The following SHROOM3 variants were observed in gnomAD, a reference collection of about 807,000 sequenced individuals.
SHROOM3 encodes the protein protein Shroom3.
A neutral mutation model predicts 138.6 loss-of-function variants in SHROOM3; 47 were observed. That is an observed-to-expected ratio of 0.34 (90% CI 0.27 to 0.43). The LOEUF (loss-of-function observed/expected upper bound fraction) is 0.43, where lower values mean the gene tolerates loss of function less well. SHROOM3 is among the 20% of genes least tolerant of loss of function. The probability of loss-of-function intolerance (pLI) is 1.00; values close to 1 mark genes in which losing one functional copy is unlikely to be tolerated. For synonymous variants in SHROOM3, 1,062 were observed against 1,063.3 expected, an observed-to-expected ratio of 1.00 and a Z score of 0.02; for missense variants, 2,491 against 2,596.5, an observed-to-expected ratio of 0.96 and a Z score of 0.88.
chr4:76,668,465 C>T (rs1245830937), intron 2 of SHROOM3, among the ~76,000 whole-genome samples: 1 of 152,002 alleles, frequency 6.6e-6, no homozygotes, highest in Non-Finnish European at 1.5e-5. Flanking sequence ...CCTAGCTACT[C>T]AGGAGGCTGA....
At chr4:76,754,217 C>T (rs1436823273) in intron 6 of SHROOM3, 94 bp from the exon 7 acceptor site, 5 of 1,530,804 alleles carry the variant, frequency 3.3e-6, no homozygotes, top group African/African-American at 1.4e-5. Flanking sequence ...CCTCCTTCCT[C>T]TTAAATGCTT....
intron 3 of SHROOM3, among the ~76,000 whole-genome samples, chr4:76,723,016 A>G (rs1720594466): frequency 6.6e-6 from 1 of 151,958 alleles, no homozygotes; most frequent in African/African-American, 2.4e-5. Context: ...GTTTTATAAC[A>G]CTGCACCGAG....
chr4:76,729,067 AT>A (rs1267211918), intron 3 of SHROOM3, among the ~76,000 whole-genome samples: 3 of 152,148 alleles, frequency 2.0e-5, no homozygotes, highest in Non-Finnish European at 2.9e-5. Context: ...AAGACTTAAC[AT>A]TTATTGAGCT....
chr4:76,626,418 T>TTTCTTAAACTATTCC (rs1735145709), intron 2 of SHROOM3, among the ~76,000 whole-genome samples: 1 of 152,230 alleles, frequency 6.6e-6, no homozygotes, highest in African/African-American at 2.4e-5. Flanking sequence ...AAAACTGTTC[T>TTTCTTAAACTATTCC]TTCTTAAACT....
intron 3 of SHROOM3, among the ~76,000 whole-genome samples, chr4:76,720,162 T>G (rs1387380291): frequency 1.4e-5 from 2 of 139,738 alleles, no homozygotes; most frequent in African/African-American, 2.7e-5. Context: ...TTTTTTTTTT[T>G]TTTTTTTTTT....
chr4:76,508,369 A>C (rs753995023), intron 1 of SHROOM3, among the ~76,000 whole-genome samples: 12 of 152,168 alleles, frequency 7.9e-5, no homozygotes, highest in Admixed American at 2.6e-4. Flanking sequence ...GACCATAAGT[A>C]TGAGGGTTTA....
intron 1 of SHROOM3, among the ~76,000 whole-genome samples, chr4:76,470,030 A>C (rs903576778): frequency 2.0e-5 from 3 of 151,760 alleles, no homozygotes; most frequent in Admixed American, 2.0e-4. Flanking sequence ...TTAAACAAAA[A>C]TTATAGCTAA....
chr4:76,712,751 A>G (rs1577989953), intron 3 of SHROOM3, among the ~76,000 whole-genome samples: 1 of 152,224 alleles, frequency 6.6e-6, no homozygotes, highest in Non-Finnish European at 1.5e-5. Flanking sequence ...ACAGTCACGT[A>G]TTGCTTAATG....
At chr4:76,765,269 C>T (rs1303211424) in intron 9 of SHROOM3, among the ~76,000 whole-genome samples, 1 of 150,774 alleles carries the variant, frequency 6.6e-6, no homozygotes, top group Non-Finnish European at 1.5e-5. Context: ...TAACCCAGCA[C>T]TTAGGGAGGC....
At chr4:76,651,242 A>G (rs1366328716) in intron 2 of SHROOM3, among the ~76,000 whole-genome samples, 1 of 151,944 alleles carries the variant, frequency 6.6e-6, no homozygotes, top group Non-Finnish European at 1.5e-5. Flanking sequence ...GACTATAGTC[A>G]ATAATAACTT....
At chr4:76,646,930 A>C (rs533026717) in intron 2 of SHROOM3, among the ~76,000 whole-genome samples, 1 of 152,304 alleles carries the variant, frequency 6.6e-6, no homozygotes, top group East Asian at 1.9e-4. Flanking sequence ...TATCTATCCA[A>C]AGGAAAAGAA....
Position 76,739,653 on chromosome 4 carries a change from G to A in SHROOM3, c.1480G>A (p.Ala494Thr), listed in dbSNP as rs1441149198. The A allele has an allele frequency of 6.2e-7, 1 of 1,614,152 alleles. No individual in the cohort carries two copies. Among genetic ancestry groups the A allele is most frequent in the Non-Finnish European group, 8.5e-7 (1 of 1,180,036 alleles). The change falls in exon 5 of 11, where the codon GCA becomes ACA. Residue 494 changes from alanine (A) to threonine (T), a missense_variant. This residue lies in a region of SHROOM3 where 1,733 missense variants were observed against 1,661.6 expected (regional missense o/e 1.04). Transcript: ENST00000296043. ...SVSSNGMLYPALAKESGYIAP... is the reference protein window; with the variant it reads ...SVSSNGMLYPTLAKESGYIAP... Reference sequence around the variant, plus strand: ...GAGTAGCAACGGTATGCTCTACCCTGCACTGGCCAAGGAGAGTGGATACAT... The same window carrying A: ...GAGTAGCAACGGTATGCTCTACCCTACACTGGCCAAGGAGAGTGGATACAT...
intron 1 of SHROOM3, among the ~76,000 whole-genome samples, chr4:76,517,589 T>G (rs1732468814): frequency 6.7e-6 from 1 of 150,300 alleles, no homozygotes. Flanking sequence ...TTCTCCTGAT[T>G]GAGTTGCTTA....
intron 10 of SHROOM3, among the ~76,000 whole-genome samples, chr4:76,776,456 C>T (rs2109798374): frequency 6.6e-6 from 1 of 152,230 alleles, no homozygotes; most frequent in South Asian, 2.1e-4. Flanking sequence ...TAATTAAGTC[C>T]TATCTATTTA....
chr4:76,450,128 A>G (rs929491827), intron 1 of SHROOM3, among the ~76,000 whole-genome samples: 2 of 152,182 alleles, frequency 1.3e-5, no homozygotes, highest in African/African-American at 4.8e-5. Flanking sequence ...AACAGGAAAT[A>G]AGAGATTCAA....
At chr4:76,756,159 C>G (rs1721803329) in intron 7 of SHROOM3, among the ~76,000 whole-genome samples, 1 of 152,118 alleles carries the variant, frequency 6.6e-6, no homozygotes, top group South Asian at 2.1e-4. Flanking sequence ...ACTATCTCAC[C>G]CTACTCCTAT....
chr4:76,727,120 G>A (rs1158062673), intron 3 of SHROOM3, among the ~76,000 whole-genome samples: 2 of 152,204 alleles, frequency 1.3e-5, no homozygotes, highest in Non-Finnish European at 2.9e-5. Context: ...TGAGCAGTAG[G>A]AAGATGACAG....
chr4:76,502,001 G>C (rs1212494580), intron 1 of SHROOM3, among the ~76,000 whole-genome samples: 1 of 152,122 alleles, frequency 6.6e-6, no homozygotes, highest in Non-Finnish European at 1.5e-5. Context: ...TTGAGAAGTG[G>C]GGTCTTTAAG....
At chr4:76,614,087 G>T (rs1734822018) in intron 2 of SHROOM3, among the ~76,000 whole-genome samples, 1 of 152,056 alleles carries the variant, frequency 6.6e-6, no homozygotes, top group South Asian at 2.1e-4. Context: ...GTCTCTCTCT[G>T]TTGCCCAGGC....
Sources: gnomAD v4.1 joint callset for allele counts (sites outside exome capture counted in the v4.1 genomes callset) on GRCh38, gnomAD v4.1.1 for gene constraint, gnomAD v4.1.1 regional missense constraint, MANE v1.5 for transcripts, NCBI Gene and HGNC (gene_info 2026-07-23, HGNC 2026-07-21) for gene names.